The following HIVEP3 variants were observed in gnomAD, a reference collection of about 807,000 sequenced individuals.
The protein encoded by HIVEP3 is transcription factor HIVEP3.
In HIVEP3, 49 loss-of-function variants were observed where a neutral mutation model predicts 152.8. That is an observed-to-expected ratio of 0.32 (90% CI 0.26 to 0.41). The LOEUF (loss-of-function observed/expected upper bound fraction) is 0.41, where lower values mean the gene tolerates loss of function less well. Among genes scored for constraint, HIVEP3 ranks in the 10% least tolerant of loss-of-function variants. HIVEP3 has a pLI of 1.00. For missense variants in HIVEP3, 2,790 were observed against 3,103.3 expected (o/e 0.90, Z 2.40); for synonymous variants, 1,269 against 1,289.0 (o/e 0.98, Z 0.33).
At chr1:41,744,975 C>T (rs904778266) in intron 1 of HIVEP3, among the ~76,000 whole-genome samples, 5 of 152,076 alleles carry the variant, frequency 3.3e-5, no homozygotes, top group Non-Finnish European at 5.9e-5. Context: ...AAGCCAGTGG[C>T]GTGGATCTCA....
At chr1:41,973,069 C>T (rs908653898) in intron 1 of HIVEP3, among the ~76,000 whole-genome samples, 2 of 152,000 alleles carry the variant, frequency 1.3e-5, no homozygotes, top group Admixed American at 1.3e-4. Context: ...CACACACACA[C>T]ACACAATTAT....
At chr1:42,020,989 A>G (rs1388774650) in intron 1 of HIVEP3, among the ~76,000 whole-genome samples, 1 of 152,198 alleles carries the variant, frequency 6.6e-6, no homozygotes, top group Non-Finnish European at 1.5e-5. Flanking sequence ...AGAGAGAAGC[A>G]GAGATGATTG....
Position 41,733,402 on chromosome 1 carries a change from C to T in HIVEP3, c.-800-32407G>A, listed in dbSNP as rs535288623. Among the ~76,000 whole-genome samples, 18 of 152,368 alleles carry T rather than the reference C, an allele frequency of 1.2e-4. 1 individual carries two copies. Among genetic ancestry groups the T allele is most frequent in the African/African-American group, 3.8e-4 (16 of 41,586 alleles). ...ATGTAGATTTCACCCAAGGCCTTAC[C>T]TTGAACCCTCCCCCAGTCACATCAC... is the stretch of plus-strand genomic sequence containing the variant. On this transcript the variant is annotated intron_variant, in intron 1 of 8. Transcript: ENST00000372583.
At chr1:41,865,258 T>A (rs1387708800) in intron 1 of HIVEP3, among the ~76,000 whole-genome samples, 1 of 152,074 alleles carries the variant, frequency 6.6e-6, no homozygotes, top group East Asian at 1.9e-4. Context: ...GCAATAAGGA[T>A]CAGATGGGAC....
At chr1:41,893,653 C>T (rs1403497299) in intron 1 of HIVEP3, among the ~76,000 whole-genome samples, 3 of 151,510 alleles carry the variant, frequency 2.0e-5, no homozygotes, top group African/African-American at 7.3e-5. Flanking sequence ...GCCCAGGGGC[C>T]TTTGTATAAC....
At chr1:41,966,657 A>G (rs1273365841) in intron 1 of HIVEP3, among the ~76,000 whole-genome samples, 2 of 136,984 alleles carry the variant, frequency 1.5e-5, no homozygotes, top group South Asian at 2.4e-4. Context: ...TTTTTTTTGT[A>G]TTTTTAGTAG....
chr1:41,991,848 G>A (rs879728227), intron 1 of HIVEP3, among the ~76,000 whole-genome samples: 7 of 117,730 alleles, frequency 5.9e-5, no homozygotes, highest in Admixed American at 2.6e-4. Context: ...TTCAATATAC[G>A]CAAATCAATA....
chr1:41,595,414 T>TA (rs1184957349), intron 3 of HIVEP3, among the ~76,000 whole-genome samples: 1 of 152,192 alleles, frequency 6.6e-6, no homozygotes, highest in African/African-American at 2.4e-5. Flanking sequence ...ATCCTGCTCT[T>TA]ACACTTTGAA....
chr1:41,823,256 G>A (rs1642661345), intron 1 of HIVEP3, among the ~76,000 whole-genome samples: 1 of 152,202 alleles, frequency 6.6e-6, no homozygotes, highest in South Asian at 2.1e-4. Context: ...AATTTCTGTT[G>A]TTTAAACCAT....
chr1:42,034,065 A>T (rs1645627801), intron 1 of HIVEP3, among the ~76,000 whole-genome samples: 1 of 152,256 alleles, frequency 6.6e-6, no homozygotes, highest in Non-Finnish European at 1.5e-5. Flanking sequence ...TATCTTCCTT[A>T]TTAAAACATA....
intron 1 of HIVEP3, among the ~76,000 whole-genome samples, chr1:41,701,690 A>C (rs902630969): frequency 6.6e-6 from 1 of 152,234 alleles, no homozygotes; most frequent in Non-Finnish European, 1.5e-5. Flanking sequence ...CTTCTCATTG[A>C]GAAAATAAAC....
rs201095392 is a variant in HIVEP3, at chr1:41,510,966, G to A, written c.6706C>T (p.Arg2236Trp). 99 of 1,613,554 alleles carry A rather than the reference G, an allele frequency of 6.1e-5. No homozygotes were observed. The Admixed American group carries it at 7.0e-4, about 11-fold the overall frequency. Reference sequence around the variant, plus strand: ...CAGCGGCCTCGCTCCTGGGCCTCCCGGGCCCCTGTCAGGTCGCTGCCACCC... The same window carrying A: ...CAGCGGCCTCGCTCCTGGGCCTCCCAGGCCCCTGTCAGGTCGCTGCCACCC... ...SGGGSDLTGA[R>W]EAQERGRWSP... is the part of the protein sequence containing the mutation. The change falls in exon 9 of 9, where the codon CGG becomes TGG. Residue 2236 changes from arginine (R) to tryptophan (W), a missense_variant. Physicochemically the swap from Arg to Trp is moderately radical, Grantham distance 101. Around this residue, in one of 9 missense-constraint regions of HIVEP3, gnomAD observed 816 missense variants for 806.5 expected, o/e 1.01. Coordinates refer to ENST00000372583, the MANE Select transcript of HIVEP3 (RefSeq NM_024503.5).
At chr1:41,986,860 G>T (rs962375732) in intron 1 of HIVEP3, among the ~76,000 whole-genome samples, 1 of 152,200 alleles carries the variant, frequency 6.6e-6, no homozygotes, top group Admixed American at 6.5e-5. Flanking sequence ...ATTTAAACAC[G>T]ATTTTTAAAA....
chr1:41,897,934 A>AGAGG (rs1379278749), intron 1 of HIVEP3, among the ~76,000 whole-genome samples: 1 of 108,500 alleles, frequency 9.2e-6, no homozygotes, highest in Admixed American at 9.9e-5. Flanking sequence ...GACCTGAGAG[A>AGAGG]GAGGGAGAGA....
At chr1:41,517,611 T>C (rs1642645920) in intron 7 of HIVEP3, among the ~76,000 whole-genome samples, 1 of 152,242 alleles carries the variant, frequency 6.6e-6, no homozygotes, top group African/African-American at 2.4e-5. Context: ...GGAATCAGTA[T>C]GCTTCCTGCT....
intron 1 of HIVEP3, among the ~76,000 whole-genome samples, chr1:41,866,046 C>T (rs553133031): frequency 3.9e-5 from 6 of 152,304 alleles, no homozygotes; most frequent in East Asian, 3.9e-4. Flanking sequence ...CCCTACTGTC[C>T]ATTAACAAAA....
chr1:41,958,534 C>T (rs1645152225), intron 1 of HIVEP3, among the ~76,000 whole-genome samples: 1 of 152,200 alleles, frequency 6.6e-6, no homozygotes, highest in African/African-American at 2.4e-5. Context: ...CCCCAGGTTT[C>T]ACATGAGCAG....
intron 5 of HIVEP3, among the ~76,000 whole-genome samples, chr1:41,547,480 G>A (rs1306286309): frequency 1.3e-5 from 2 of 152,098 alleles, no homozygotes; most frequent in Non-Finnish European, 2.9e-5. Context: ...CAGGTGGAGG[G>A]GATGGCAGGA....
At chr1:41,892,894 C>A (rs1343934172) in intron 1 of HIVEP3, among the ~76,000 whole-genome samples, 1 of 151,906 alleles carries the variant, frequency 6.6e-6, no homozygotes, top group African/African-American at 2.4e-5. Flanking sequence ...TTGAGGCGAG[C>A]AGATTGCTTG....
Sources: allele counts gnomAD v4.1 joint callset (sites outside exome capture counted in the v4.1 genomes callset), GRCh38; gene constraint gnomAD v4.1.1; regional missense constraint gnomAD v4.1.1; transcripts MANE v1.5; gene names NCBI Gene and HGNC (gene_info 2026-07-23, HGNC 2026-07-21).